Variants in STK32B observed in about 807,000 individuals in gnomAD.
The protein encoded by STK32B is serine/threonine-protein kinase 32B.
STK32B carries 43 observed loss-of-function variants against 52.6 expected under a neutral mutation model. That is an observed-to-expected ratio of 0.82 (90% CI 0.64 to 1.05). The LOEUF is 1.05. STK32B is among the 50% of genes least tolerant of loss of function. The pLI, the probability that STK32B is intolerant of heterozygous loss-of-function variation, is 0.00. For missense variants in STK32B, 621 were observed against 534.6 expected (o/e 1.16, Z -1.59); for synonymous variants, 238 against 204.3 (o/e 1.17, Z -1.41).
At position 5,125,017 on chromosome 4, in the gene STK32B, C is replaced by T. The variant is rs151017848; in HGVS notation, c.53-14888C>T. Reference sequence around the variant, plus strand: ...AAAGGAAAGTAAGGTAGATTTGAAGCGGAAGAGGGATTTGTTGCAGTATAC... The same window carrying T: ...AAAGGAAAGTAAGGTAGATTTGAAGTGGAAGAGGGATTTGTTGCAGTATAC... On this transcript the variant is annotated intron_variant, in intron 1 of 11. Coordinates refer to ENST00000282908, the MANE Select transcript of STK32B (RefSeq NM_018401.3). 5.1e-4 allele frequency among the ~76,000 whole-genome samples: 77 copies of T among 152,242 alleles called. No individual in the cohort carries two copies. The East Asian group carries it at 0.013, about 25-fold the overall frequency.
intron 3 of STK32B, among the ~76,000 whole-genome samples, chr4:5,305,875 G>GT (rs898976177): frequency 6.6e-6 from 1 of 152,062 alleles, no homozygotes; most frequent in African/African-American, 2.4e-5. Context: ...CACTTTTGCT[G>GT]TATCTCAAAG....
At chr4:5,261,354 G>T (rs1726702310) in intron 3 of STK32B, among the ~76,000 whole-genome samples, 1 of 152,186 alleles carries the variant, frequency 6.6e-6, no homozygotes, top group African/African-American at 2.4e-5. Flanking sequence ...GAGGAGAGAC[G>T]AAGGAGGCAG....
chr4:5,122,333 C>T (rs947002068), intron 1 of STK32B, among the ~76,000 whole-genome samples: 1 of 151,924 alleles, frequency 6.6e-6, no homozygotes, highest in African/African-American at 2.4e-5. Flanking sequence ...CACCCATTCA[C>T]TCATTCATTC....
chr4:5,496,579 G>A (rs1478658977), intron 11 of STK32B, among the ~76,000 whole-genome samples: 2 of 146,984 alleles, frequency 1.4e-5, no homozygotes, highest in East Asian at 3.9e-4. Context: ...CCACTGTCTG[G>A]CACTCCCTAG....
intron 3 of STK32B, among the ~76,000 whole-genome samples, chr4:5,247,105 G>C (rs1432625814): frequency 6.6e-6 from 1 of 152,200 alleles, no homozygotes; most frequent in Non-Finnish European, 1.5e-5. Context: ...AAAGCTGTCA[G>C]ACAGGGACAT....
At chr4:5,282,478 C>T (rs1728268007) in intron 3 of STK32B, among the ~76,000 whole-genome samples, 1 of 152,134 alleles carries the variant, frequency 6.6e-6, no homozygotes, top group Non-Finnish European at 1.5e-5. Context: ...AACAATTATA[C>T]AATCTACTGT....
At chr4:5,127,206 A>G (rs1410494347) in intron 1 of STK32B, 5 of 463,398 alleles carry the variant, frequency 1.1e-5, no homozygotes, top group African/African-American at 9.9e-5. Context: ...ATTAGCTGCC[A>G]TACAGTTGAG....
At chr4:5,110,787 A>G (rs1444924891) in intron 1 of STK32B, among the ~76,000 whole-genome samples, 1 of 152,038 alleles carries the variant, frequency 6.6e-6, no homozygotes, top group Non-Finnish European at 1.5e-5. Flanking sequence ...TAAAAAGCTT[A>G]TGCATAGCAA....
Position 5,183,530 on chromosome 4 carries a change from C to A in STK32B, c.260+15080C>A, listed in dbSNP as rs187751083. Among the ~76,000 whole-genome samples the A allele has an allele frequency of 9.2e-5, 14 of 152,084 alleles. No homozygotes were observed. In the East Asian group the frequency reaches 1.7e-3, roughly 19 times the overall value. On this transcript the variant is annotated intron_variant, in intron 3 of 11. Coordinates refer to ENST00000282908, the MANE Select transcript of STK32B (RefSeq NM_018401.3). ...ATAAAATAAAACCGGCCATTGAATT[C>A]TTTCTAGATGTTAAAGTCCTAGATG...
intron 4 of STK32B, among the ~76,000 whole-genome samples, chr4:5,392,711 A>G (rs1279905366): frequency 6.6e-6 from 1 of 152,162 alleles, no homozygotes; most frequent in Admixed American, 6.5e-5. Context: ...AGGAGTAGCA[A>G]TACCTATCTC....
chr4:5,434,338 C>T (rs1259195506), intron 6 of STK32B, among the ~76,000 whole-genome samples: 2 of 151,894 alleles, frequency 1.3e-5, no homozygotes, highest in Non-Finnish European at 2.9e-5. Context: ...TAATAGATGA[C>T]TAATTCAATT....
chr4:5,176,862 G>C (rs1719944623), intron 3 of STK32B, among the ~76,000 whole-genome samples: 1 of 152,162 alleles, frequency 6.6e-6, no homozygotes, highest in African/African-American at 2.4e-5. Flanking sequence ...GCAAATGTCA[G>C]CCTCTGGTGG....
chr4:5,478,642 C>T (rs1718420464), intron 11 of STK32B, among the ~76,000 whole-genome samples: 1 of 152,224 alleles, frequency 6.6e-6, no homozygotes, highest in Admixed American at 6.5e-5. Flanking sequence ...CCAGAGAAAA[C>T]ACTCCAAGGA....
At position 5,453,094 on chromosome 4, in the gene STK32B, T is replaced by C. The variant is rs562853151; in HGVS notation, c.667-3713T>C. Among the ~76,000 whole-genome samples the C allele has an allele frequency of 6.6e-6, 1 of 152,212 alleles. No homozygotes were observed. Among genetic ancestry groups the C allele is most frequent in the South Asian group, 2.1e-4 (1 of 4,832 alleles). ...AAAGCTGTGGAACTTGTTTTAGTCA[T>C]CATGTTCCGAACTCATTTCTAAATG... On this transcript the variant is annotated intron_variant, in intron 7 of 11. Transcript: ENST00000282908. The surrounding 1 kb of genome is among the most constrained non-coding windows in gnomAD (Gnocchi z 4.0).
intron 6 of STK32B, among the ~76,000 whole-genome samples, chr4:5,423,419 G>A (rs1712808689): frequency 6.6e-6 from 1 of 152,190 alleles, no homozygotes; most frequent in Non-Finnish European, 1.5e-5. Context: ...GGTTTATGCA[G>A]TCAGCCTCAG....
chr4:5,086,291 A>G (rs1299013405), intron 1 of STK32B, among the ~76,000 whole-genome samples: 5 of 152,202 alleles, frequency 3.3e-5, no homozygotes, highest in South Asian at 2.1e-4. Flanking sequence ...AGAGCTGTCA[A>G]CTATCTGGCT....
chr4:5,151,607 T>C (rs16836717), intron 2 of STK32B, among the ~76,000 whole-genome samples: 3,179 of 152,284 alleles, frequency 0.021, 104 homozygotes, highest in African/African-American at 0.072. Context: ...TAGCAATAAT[T>C]TACTCACATT....
chr4:5,237,823 G>C (rs925858128), intron 3 of STK32B, among the ~76,000 whole-genome samples: 5 of 152,186 alleles, frequency 3.3e-5, no homozygotes, highest in African/African-American at 1.2e-4. Context: ...GAACGCTGGA[G>C]ATTGACAGTG....
intron 1 of STK32B, among the ~76,000 whole-genome samples, chr4:5,137,263 C>T (rs1716131804): frequency 6.6e-6 from 1 of 152,198 alleles, no homozygotes; most frequent in African/African-American, 2.4e-5. Flanking sequence ...AATGCTCAAT[C>T]TGGACCCCAC....
Sources: gnomAD v4.1 joint callset for allele counts (sites outside exome capture counted in the v4.1 genomes callset) on GRCh38, gnomAD v4.1.1 for gene constraint, Gnocchi (gnomAD v3.1) non-coding constraint, MANE v1.5 for transcripts, NCBI Gene and HGNC (gene_info 2026-07-23, HGNC 2026-07-21) for gene names.